Variants in EYS observed in about 807,000 individuals in gnomAD.
The protein encoded by EYS is protein eyes shut homolog.
In EYS, 250 loss-of-function variants were observed where a neutral mutation model predicts 282.1. That is an observed-to-expected ratio of 0.89 (90% CI 0.80 to 0.98). The LOEUF (loss-of-function observed/expected upper bound fraction) is 0.98. Among genes scored for constraint, EYS ranks in the 50% least tolerant of loss-of-function variants. EYS has a pLI of 0.00. For missense variants in EYS, 4,016 were observed against 3,709.0 expected (o/e 1.08, Z -2.15); for synonymous variants, 1,355 against 1,282.9 (o/e 1.06, Z -1.20).
intron 35 of EYS, among the ~76,000 whole-genome samples, chr6:63,928,327 C>G (rs140414738): frequency 6.6e-6 from 1 of 152,272 alleles, no homozygotes; most frequent in African/African-American, 2.4e-5. Flanking sequence ...TATACTGATT[C>G]ATTCTTCTCA....
rs556086406 is a variant in EYS at position 64,025,641 on chromosome 6, G to A, written c.6726-26458C>T. On this transcript the variant is annotated intron_variant, in intron 33 of 42. Coordinates refer to ENST00000503581, the MANE Select transcript of EYS (RefSeq NM_001142800.2). Reference sequence around the variant, plus strand: ...AGACATAATTTTTGCCCAAAGCTCCGTCATAGTGGGGACTACCTGGAATTT... The same window carrying A: ...AGACATAATTTTTGCCCAAAGCTCCATCATAGTGGGGACTACCTGGAATTT... Among the ~76,000 whole-genome samples the A allele has an allele frequency of 8.8e-4, 134 of 152,244 alleles. 1 individual carries two copies. The highest frequency in any genetic ancestry group is 1.9e-3 in the African/African-American group (80 of 41,550).
chr6:65,427,656 C>A (rs993346002), intron 5 of EYS, among the ~76,000 whole-genome samples: 1 of 151,918 alleles, frequency 6.6e-6, no homozygotes, highest in African/African-American at 2.4e-5. Context: ...AGACATGCAA[C>A]AGTAAAAGGG....
chr6:64,428,924 G>T (rs1158181052), intron 28 of EYS, among the ~76,000 whole-genome samples: 1 of 152,098 alleles, frequency 6.6e-6, no homozygotes, highest in African/African-American at 2.4e-5. Context: ...AAATGCAGCT[G>T]CTATGTGCTT....
chr6:63,926,457 G>A (rs1017902513), intron 35 of EYS, among the ~76,000 whole-genome samples: 1 of 152,156 alleles, frequency 6.6e-6, no homozygotes, highest in Non-Finnish European at 1.5e-5. Context: ...CATTTAATGG[G>A]CTCAGCATGT....
At chr6:64,482,468 AT>A in intron 26 of EYS, among the ~76,000 whole-genome samples, 1 of 151,660 alleles carries the variant, frequency 6.6e-6, no homozygotes, top group Non-Finnish European at 1.5e-5. Flanking sequence ...TGGCTCTGCC[AT>A]TTTTATTGAT....
intron 15 of EYS, among the ~76,000 whole-genome samples, chr6:64,920,661 C>A (rs960262939): frequency 1.3e-5 from 2 of 152,016 alleles, no homozygotes; most frequent in Non-Finnish European, 2.9e-5. Flanking sequence ...AATATCCATA[C>A]CTATACCCAC....
intron 31 of EYS, among the ~76,000 whole-genome samples, chr6:64,093,407 G>C (rs1268328539): frequency 6.6e-6 from 1 of 152,218 alleles, no homozygotes; most frequent in East Asian, 1.9e-4. Context: ...TCTTCTATGT[G>C]TTTGTATCCT....
chr6:64,441,260 C>G (rs1055018086), intron 26 of EYS, among the ~76,000 whole-genome samples: 1 of 152,064 alleles, frequency 6.6e-6, no homozygotes, highest in African/African-American at 2.4e-5. Flanking sequence ...AAAACAATAG[C>G]CAACACTATT....
At chr6:64,417,811 C>T (rs1194595545) in intron 28 of EYS, among the ~76,000 whole-genome samples, 2 of 151,662 alleles carry the variant, frequency 1.3e-5, no homozygotes, top group African/African-American at 4.8e-5. Flanking sequence ...GCTGGCACTA[C>T]AGGTGCACAC....
intron 36 of EYS, among the ~76,000 whole-genome samples, chr6:63,830,798 G>A (rs1428505813): frequency 1.3e-5 from 2 of 152,330 alleles, no homozygotes; most frequent in African/African-American, 2.4e-5. Flanking sequence ...AGGGAAAAAT[G>A]TTAAGGGCAG....
chr6:64,285,056 A>G lies in EYS; in HGVS notation c.6191+21914T>C, dbSNP rs1362788469. Reference sequence around the variant, plus strand: ...GTCACTTATGCAAATACCTGCAGCCAGCTTGAATTTCTCCTCTGAAAATGG... The same window carrying G: ...GTCACTTATGCAAATACCTGCAGCCGGCTTGAATTTCTCCTCTGAAAATGG... On this transcript the variant is annotated intron_variant, in intron 30 of 42. Transcript: ENST00000503581. Among the ~76,000 whole-genome samples the G allele has an allele frequency of 2.0e-5, 3 of 152,214 alleles. 1 individual carries two copies. The highest frequency in any genetic ancestry group is 4.1e-4 in the South Asian group (2 of 4,834).
At chr6:64,553,112 G>C (rs1217954549) in intron 26 of EYS, among the ~76,000 whole-genome samples, 4 of 151,938 alleles carry the variant, frequency 2.6e-5, no homozygotes, top group Non-Finnish European at 5.9e-5. Flanking sequence ...CAACCACCTT[G>C]GGCACATGTT....
chr6:64,165,620 G>T (rs1053498494), intron 31 of EYS, among the ~76,000 whole-genome samples: 11 of 152,034 alleles, frequency 7.2e-5, no homozygotes, highest in Admixed American at 5.2e-4. Flanking sequence ...ATTAGTTTTT[G>T]ATTTTACTGA....
At position 63,871,423 on chromosome 6, in the gene EYS, G is replaced by T. The variant is rs531980577; in HGVS notation, c.7056-7065C>A. 4.6e-5 allele frequency among the ~76,000 whole-genome samples: 7 copies of T among 152,270 alleles called. No homozygotes were observed. The East Asian group carries it at 1.4e-3, about 29-fold the overall frequency. On this transcript the variant is annotated intron_variant, in intron 35 of 42. Transcript: ENST00000503581. ...TGCCTATAATCTCAGCATTTTGGGA[G>T]GCTGAGGTGGGCAGATCACTTGAGG... is the stretch of plus-strand genomic sequence containing the variant.
In EYS at chr6:65,640,710, A is replaced by AT. The variant is rs1451562326; in HGVS notation, c.-447-819dup. ...TTGACAAGTCACCTTTCAACTTAAT[A>AT]TTTTCTCTTGGGCCATTTTTTAAGA... On this transcript the variant is annotated intron_variant, in intron 1 of 42. Coordinates refer to ENST00000503581, the MANE Select transcript of EYS (RefSeq NM_001142800.2). Among the ~76,000 whole-genome samples, 4 of 151,718 alleles carry AT rather than the reference A, an allele frequency of 2.6e-5. No homozygotes were observed. The East Asian group carries it at 7.8e-4, about 29-fold the overall frequency.
intron 31 of EYS, among the ~76,000 whole-genome samples, chr6:64,200,514 G>T (rs2150322069): frequency 6.6e-6 from 1 of 152,142 alleles, no homozygotes; most frequent in Admixed American, 6.5e-5. Flanking sequence ...ACTAGCCTAT[G>T]GTAAGTAAAG....
At chr6:63,743,851 C>T (rs1180161684) in intron 41 of EYS, among the ~76,000 whole-genome samples, 1 of 152,110 alleles carries the variant, frequency 6.6e-6, no homozygotes, top group Non-Finnish European at 1.5e-5. Context: ...ACCAAACAAA[C>T]AAAATAAACA....
chr6:65,463,391 G>T (rs1363017895), intron 5 of EYS, among the ~76,000 whole-genome samples: 2 of 152,040 alleles, frequency 1.3e-5, no homozygotes, highest in Admixed American at 6.6e-5. Context: ...GTAAACAATT[G>T]ATATAAAATT....
At chr6:65,506,523 G>C (rs1766666172) in intron 2 of EYS, among the ~76,000 whole-genome samples, 1 of 107,234 alleles carries the variant, frequency 9.3e-6, no homozygotes, top group Non-Finnish European at 1.7e-5. Flanking sequence ...CTGTTGCCAA[G>C]GCTAAAGTGC....
Sources: allele counts gnomAD v4.1 joint callset (sites outside exome capture counted in the v4.1 genomes callset), GRCh38; gene constraint gnomAD v4.1.1; transcripts MANE v1.5; gene names NCBI Gene and HGNC (gene_info 2026-07-23, HGNC 2026-07-21).